PUS1: variants seen among roughly 807,000 people sequenced by gnomAD.
PUS1 encodes pseudouridylate synthase 1 homolog.
In PUS1, 25 loss-of-function variants were observed where a neutral mutation model predicts 38.5. That is an observed-to-expected ratio of 0.65 (90% CI 0.47 to 0.91). The LOEUF (loss-of-function observed/expected upper bound fraction) is 0.91, where lower values mean the gene tolerates loss of function less well. Among genes scored for constraint, PUS1 ranks in the 40% least tolerant of loss-of-function variants. The pLI, the probability that PUS1 is intolerant of heterozygous loss-of-function variation, is 0.00. For synonymous variants in PUS1, 282 were observed against 260.4 expected (o/e 1.08, Z -0.80); for missense variants, 597 against 612.3 (o/e 0.97, Z 0.26).
chr12:131,935,557 G>A (rs570788084), intron 3 of PUS1, among the ~76,000 whole-genome samples: 4 of 152,034 alleles, frequency 2.6e-5, no homozygotes, highest in Non-Finnish European at 5.9e-5. Flanking sequence ...TTTTTGAGAC[G>A]GAGTTTCACT....
chr12:131,935,566 C>T (rs991115573), intron 3 of PUS1, among the ~76,000 whole-genome samples: 1 of 152,124 alleles, frequency 6.6e-6, no homozygotes, highest in African/African-American at 2.4e-5. Flanking sequence ...CGGAGTTTCA[C>T]TCTTGTTGCC....
chr12:131,941,408 A>C lies in PUS1; in HGVS notation c.661A>C (p.Thr221Pro). The change falls in exon 5 of 6, where the codon ACC becomes CCC. Residue 221 changes from threonine to proline, a missense_variant. Physicochemically the swap from Thr to Pro is conservative, Grantham distance 38. Coordinates refer to ENST00000376649, the MANE Select transcript of PUS1 (RefSeq NM_025215.6). The surrounding 1 kb of genome is among the most constrained non-coding windows in gnomAD (Gnocchi z 4.4). ...CAAGGACCGGGACGTTCAGGATGAG[A>C]CCTACCGCCTGAGCGCCGAGACGCT... ...AHKDRDVQDE[T>P]YRLSAETLQQ... 6.2e-7 allele frequency: 1 copy of C among 1,614,114 alleles called. No individual in the cohort carries two copies. The highest frequency in any genetic ancestry group is 8.5e-7 in the Non-Finnish European group (1 of 1,180,014).
At position 131,929,729 on chromosome 12, in the gene PUS1, C is replaced by T. The variant is rs755593231; in HGVS notation, c.7C>T (p.Leu3Phe). The T allele has an allele frequency of 5.0e-6, 8 of 1,590,934 alleles. No individual in the cohort carries two copies. The highest frequency in any genetic ancestry group is 1.7e-5 in the Admixed American group (1 of 59,194). The change falls in exon 1 of 6, where the codon CTC (leucine) becomes TTC (phenylalanine). Residue 3 changes from leucine to phenylalanine, a missense_variant. Leu to Phe is a conservative substitution (Grantham distance 22, BLOSUM62 0). Transcript: ENST00000376649. Reference sequence around the variant, plus strand: ...GTGCACTGGTAGCCTGCGCATGGGCCTCCAGCTTCGCGCGCTGTTGGGAGC... The same window carrying T: ...GTGCACTGGTAGCCTGCGCATGGGCTTCCAGCTTCGCGCGCTGTTGGGAGC... MG[L>F]QLRALLGAFG...
rs1890499440 is a variant in PUS1, at chr12:131,929,793, C to T, written c.71C>T (p.Ser24Phe). ...ACCCTGCGCCTGGGACCGCGTCCGTCCTGGTAATGACCGCGACGCCGGGCG... is the reference window on the plus strand; with the variant it reads ...ACCCTGCGCCTGGGACCGCGTCCGTTCTGGTAATGACCGCGACGCCGGGCG... Reference protein sequence around the residue: ...RWTLRLGPRPSCSPRMAGNAE... With the variant: ...RWTLRLGPRPFCSPRMAGNAE... The change falls in exon 1 of 6, where the codon TCC becomes TTC. Residue 24 changes from serine (S) to phenylalanine (F), a missense_variant. Ser to Phe is a radical substitution (Grantham distance 155). Transcript: ENST00000376649. 1.9e-6 allele frequency: 3 copies of T among 1,586,846 alleles called. No homozygotes were observed. Among genetic ancestry groups the T allele is most frequent in the African/African-American group, 2.7e-5 (2 of 73,748 alleles).
rs575090125 is a variant in PUS1, at chr12:131,942,576, T to G, written c.1236+593T>G. Among the ~76,000 whole-genome samples the G allele has an allele frequency of 9.5e-4, 144 of 152,200 alleles. No homozygotes were observed. In the Middle Eastern group the frequency reaches 0.034, roughly 36 times the overall value. On this transcript the variant is annotated intron_variant, in intron 5 of 5. Coordinates refer to ENST00000376649, the MANE Select transcript of PUS1 (RefSeq NM_025215.6). ...CGCCCACCACCACGCCCGGCTCATT[T>G]TTTGTATTTTTAGTAGAGATGGGGT...
Position 131,943,776 on chromosome 12 carries a change from C to T in PUS1, c.*190C>T, listed in dbSNP as rs933247396. On this transcript the variant is annotated 3_prime_UTR_variant, in exon 6 of 6. Transcript: ENST00000376649. ...GAATCTGTTTTCAGCTCTTGCATTG[C>T]ATAGATGAACCTCAGCATGTAAAGA... 1 of 603,604 alleles carries T rather than the reference C, an allele frequency of 1.7e-6. No homozygotes were observed. Among genetic ancestry groups the T allele is most frequent in the East Asian group, 2.9e-5 (1 of 35,034 alleles). The allele number at this position is 603,604 out of a possible 1,614,324, so 37.4% of individuals were successfully genotyped here. A position where few individuals can be genotyped will look rare whatever the true frequency, so the allele number is the denominator to read the frequency against.
At chr12:131,942,872 G>A (rs1283748747) in intron 5 of PUS1, among the ~76,000 whole-genome samples, 1 of 152,234 alleles carries the variant, frequency 6.6e-6, no homozygotes, top group African/African-American at 2.4e-5. Context: ...GGTAAGGTGG[G>A]CAGGCGAGGG....
At position 131,941,982 on chromosome 12, in the gene PUS1, A is replaced by G; in HGVS notation, c.1235A>G (p.Lys412Arg). ...TALTAGGTGAKVPSPLEGSEG... is the reference protein window; with the variant it reads ...TALTAGGTGARVPSPLEGSEG... ...CTCACGGCAGGTGGCACGGGCGCCA[A>G]GGTAGGGGCACAGTCCCAGCAGTGC... is the stretch of plus-strand genomic sequence containing the variant. Residue 412 changes from lysine to arginine, a missense_variant and splice_region_variant, in exon 5 of 6, where the codon AAG becomes AGG. Lys to Arg is a conservative substitution (Grantham distance 26, BLOSUM62 2). Transcript: ENST00000376649. This position sits in a 1 kb window ranked among gnomAD's most constrained non-coding sequence, Gnocchi z 4.4. 6.2e-7 allele frequency: 1 copy of G among 1,611,616 alleles called. No individual in the cohort carries two copies. The highest frequency in any genetic ancestry group is 2.2e-5 in the East Asian group (1 of 44,770).
chr12:131,929,996 G>A lies in PUS1; in HGVS notation c.164G>A (p.Gly55Asp). 2.7e-6 allele frequency: 4 copies of A among 1,485,164 alleles called. No individual in the cohort carries two copies. The highest frequency in any genetic ancestry group is 1.5e-5 in the African/African-American group (1 of 68,042). 92.0% of individuals were successfully genotyped at this position (1,485,164 alleles called of 1,614,324 possible). A position where few individuals can be genotyped will look rare whatever the true frequency, so the allele number is the denominator to read the frequency against. Residue 55 changes from glycine to aspartate, a missense_variant, in exon 2 of 6, where the codon GGC becomes GAC. Gly to Asp is a moderately conservative substitution (Grantham distance 94, BLOSUM62 -1). Transcript: ENST00000376649. ...AGGTCCTGCAGCGGCCGGGCCGGGG[G>A]CGACCGCGTCTGGGAGGACGGAGAA... ...DRRSCSGRAGGDRVWEDGEHP... is the reference protein window; with the variant it reads ...DRRSCSGRAGDDRVWEDGEHP...
In PUS1 at chr12:131,942,669, G is replaced by A. The variant is rs574630343; in HGVS notation, c.1236+686G>A. Among the ~76,000 whole-genome samples, 15 of 152,356 alleles carry A rather than the reference G, an allele frequency of 9.8e-5. No individual in the cohort carries two copies. The East Asian group carries it at 2.3e-3, about 24-fold the overall frequency. On this transcript the variant is annotated intron_variant, in intron 5 of 5. Transcript: ENST00000376649. ...GATCCACCCGCCTTGGCCTCCCAAA[G>A]TGCTGGGATTACAGTCGTGAGCCAC... is the stretch of plus-strand genomic sequence containing the variant.
intron 3 of PUS1, among the ~76,000 whole-genome samples, chr12:131,936,761 C>T (rs988389137): frequency 7.9e-5 from 12 of 151,956 alleles, no homozygotes; most frequent in African/African-American, 2.7e-4. Flanking sequence ...TGGTGGCTTA[C>T]ACCTGTAATC....
intron 4 of PUS1, among the ~76,000 whole-genome samples, chr12:131,939,879 G>A (rs1417383646): frequency 6.6e-6 from 1 of 151,414 alleles, no homozygotes; most frequent in Admixed American, 6.6e-5. Context: ...GGGCTCAAGT[G>A]ATCCTCCTGC....
At chr12:131,940,647 G>A (rs1353296525) in intron 4 of PUS1, among the ~76,000 whole-genome samples, 1 of 151,906 alleles carries the variant, frequency 6.6e-6, no homozygotes, top group Non-Finnish European at 1.5e-5. Context: ...GCGTGATCTC[G>A]GCTCACTGCA....
Position 131,932,298 on chromosome 12 carries a change from G to A in PUS1, c.427G>A (p.Ala143Thr), listed in dbSNP as rs745689913. The stretch of plus-strand genomic sequence containing the variant: ...GAGGAAAATGTCCTTCCAGCGCTGC[G>A]CCCGGACAGACAAGGTGGGTGGTGG... ...DMRKMSFQRC[A>T]RTDKGVSAAG... Residue 143 changes from alanine to threonine, a missense_variant, in exon 3 of 6, where the codon GCC becomes ACC. Coordinates refer to ENST00000376649, the MANE Select transcript of PUS1 (RefSeq NM_025215.6). 8.1e-6 allele frequency: 13 copies of A among 1,613,406 alleles called. 1 individual carries two copies. Among genetic ancestry groups the A allele is most frequent in the South Asian group, 2.2e-5 (2 of 91,026 alleles).
Position 131,941,888 on chromosome 12 carries a change from G to T in PUS1, c.1141G>T (p.Glu381Ter). 1 of 1,613,554 alleles carries T rather than the reference G, an allele frequency of 6.2e-7. No homozygotes were observed. Among genetic ancestry groups the T allele is most frequent in the Non-Finnish European group, 8.5e-7 (1 of 1,180,026 alleles). ...CATCTACCCCACCATCATCGGCACC[G>T]AGCGGGACGAACGCTCCATGGCCCA... ...EHIYPTIIGTERDERSMAQWL... is the reference protein window; with the variant it reads ...EHIYPTIIGT The change falls in exon 5 of 6, where the codon GAG becomes TAG. Residue 381 changes from glutamate (E) to a stop codon, truncating the protein, a stop_gained. Coordinates refer to ENST00000376649, the MANE Select transcript of PUS1 (RefSeq NM_025215.6). LOFTEE classifies it high-confidence loss of function. This position sits in a 1 kb window ranked among gnomAD's most constrained non-coding sequence, Gnocchi z 4.4.
Position 131,929,784 on chromosome 12 carries a change from CG to C in PUS1, c.63del (p.Arg22ValfsTer113). On this transcript the variant is annotated frameshift_variant, in exon 1 of 6. Coordinates refer to ENST00000376649, the MANE Select transcript of PUS1 (RefSeq NM_025215.6). LOFTEE classifies it high-confidence loss of function. ...GGACGGTGGACCCTGCGCCTGGGAC[CG>C]CGTCCGTCCTGGTAATGACCGCGAC... is the stretch of plus-strand genomic sequence containing the variant. ...AFGRWTLRLG[P>X]RPSCSPRMAG... 6.3e-7 allele frequency: 1 copy of C among 1,589,192 alleles called. No individual in the cohort carries two copies. Among genetic ancestry groups the C allele is most frequent in the Non-Finnish European group, 8.5e-7 (1 of 1,176,004 alleles).
intron 5 of PUS1, among the ~76,000 whole-genome samples, chr12:131,942,761 C>A (rs1034238545): frequency 6.6e-6 from 1 of 152,218 alleles, no homozygotes; most frequent in Non-Finnish European, 1.5e-5. Context: ...CATTCCCAGG[C>A]AGGGCTCAGG....
In PUS1 at chr12:131,929,741, G is replaced by C; in HGVS notation, c.19G>C (p.Ala7Pro). MGLQLR[A>P]LLGAFGRWTL... ...CCTGCGCATGGGCCTCCAGCTTCGC[G>C]CGCTGTTGGGAGCCTTCGGACGGTG... The change falls in exon 1 of 6, where the codon GCG (alanine) becomes CCG (proline). Residue 7 changes from alanine (A) to proline (P), a missense_variant. Physicochemically the swap from Ala to Pro is conservative, Grantham distance 27 (BLOSUM62 -1). Coordinates refer to ENST00000376649, the MANE Select transcript of PUS1 (RefSeq NM_025215.6). 1 of 1,592,516 alleles carries C rather than the reference G, an allele frequency of 6.3e-7. No individual in the cohort carries two copies. The highest frequency in any genetic ancestry group is 8.5e-7 in the Non-Finnish European group (1 of 1,176,552).
chr12:131,941,248 C>A lies in PUS1; in HGVS notation c.545-44C>A. On this transcript the variant is annotated intron_variant, in intron 4 of 5. Transcript: ENST00000376649. This position sits in a 1 kb window ranked among gnomAD's most constrained non-coding sequence, Gnocchi z 4.4. Reference sequence around the variant, plus strand: ...TCAGGCTGCTCCCTGGTCATCCAGGCACTTCTCACCTGCCTTTCTCCTCCC... The same window carrying A: ...TCAGGCTGCTCCCTGGTCATCCAGGAACTTCTCACCTGCCTTTCTCCTCCC... The A allele has an allele frequency of 6.4e-7, 1 of 1,551,630 alleles. No individual in the cohort carries two copies. Among genetic ancestry groups the A allele is most frequent in the Non-Finnish European group, 8.9e-7 (1 of 1,125,270 alleles).
Sources: gnomAD v4.1 joint callset for allele counts (sites outside exome capture counted in the v4.1 genomes callset) on GRCh38, gnomAD v4.1.1 for gene constraint, Gnocchi (gnomAD v3.1) non-coding constraint, MANE v1.5 for transcripts, NCBI Gene and HGNC (gene_info 2026-07-23, HGNC 2026-07-21) for gene names.